DOCK3: variants seen among roughly 807,000 people sequenced by gnomAD.
DOCK3 encodes dedicator of cytokinesis protein 3.
A neutral mutation model predicts 265.6 loss-of-function variants in DOCK3; 60 were observed. The observed-to-expected ratio is 0.23, with a 90% CI of 0.18 to 0.28. The LOEUF is 0.28. DOCK3 is among the 10% of genes least tolerant of loss of function. DOCK3 has a pLI of 1.00. For missense variants in DOCK3, 1,981 were observed against 2,594.3 expected (o/e 0.76, Z 5.14); for synonymous variants, 881 against 938.0 (o/e 0.94, Z 1.11).
intron 3 of DOCK3, among the ~76,000 whole-genome samples, chr3:50,867,605 GT>G (rs55872881): frequency 0.74 from 104,097 of 141,300 alleles, 38,417 homozygotes; most frequent in South Asian, 0.84. Flanking sequence ...CTAGTTACCT[GT>G]TTTTTTTTTT....
chr3:51,102,719 T>G (rs1416839523), intron 9 of DOCK3, among the ~76,000 whole-genome samples: 2 of 152,208 alleles, frequency 1.3e-5, no homozygotes, highest in Non-Finnish European at 2.9e-5. Flanking sequence ...AGGAGTCCAA[T>G]AATTATGACT....
At chr3:50,719,419 G>A (rs2037338994) in intron 1 of DOCK3, 1 of 594,198 alleles carries the variant, frequency 1.7e-6, no homozygotes, top group Admixed American at 2.5e-5. Context: ...GGAGTGGAGG[G>A]GTGCTCTCCT....
At chr3:50,718,816 G>T (rs1576219482) in intron 1 of DOCK3, among the ~76,000 whole-genome samples, 2 of 113,402 alleles carry the variant, frequency 1.8e-5, no homozygotes, top group African/African-American at 3.4e-5. Flanking sequence ...ACAGAATCTT[G>T]CTCTGTCACC....
chr3:50,716,768 C>T (rs1190736748), intron 1 of DOCK3, among the ~76,000 whole-genome samples: 1 of 151,664 alleles, frequency 6.6e-6, no homozygotes, highest in East Asian at 1.9e-4. Flanking sequence ...GTTTCTAATT[C>T]TGACTTTTTT....
In DOCK3 at chr3:50,916,161, C is replaced by A. The variant is rs950380274; in HGVS notation, c.219-17820C>A. 2.6e-5 allele frequency among the ~76,000 whole-genome samples: 4 copies of A among 152,066 alleles called. No individual in the cohort carries two copies. The South Asian group carries it at 6.2e-4, about 24-fold the overall frequency. On this transcript the variant is annotated intron_variant, in intron 4 of 52. Transcript: ENST00000266037. ...AGCTATGTGGACTCCAGGCAGCTCCCTCAGCTGGGTTTAAGTTCCTATGAG... is the reference window on the plus strand; with the variant it reads ...AGCTATGTGGACTCCAGGCAGCTCCATCAGCTGGGTTTAAGTTCCTATGAG...
Position 51,380,202 on chromosome 3 carries a change from C to A in DOCK3, c.5578C>A (p.Arg1860Ser). 2 of 1,609,126 alleles carry A rather than the reference C, an allele frequency of 1.2e-6. No homozygotes were observed. The highest frequency in any genetic ancestry group is 1.7e-6 in the Non-Finnish European group (2 of 1,176,036). ...CCCAGCCCTCCCTGCCCGGACCCTG[C>A]GCAAGGTAATGTACTGAAGCGGCAG... ...TPPALPARTL[R>S]KSPLHPIPAS... The change falls in exon 52 of 53, where the codon CGC (arginine) becomes AGC (serine). Residue 1860 changes from arginine (R) to serine (S), a missense_variant. By Grantham distance (110) the Arg-to-Ser change is moderately radical. Transcript: ENST00000266037.
chr3:51,120,515 C>T (rs2083961974), intron 9 of DOCK3, among the ~76,000 whole-genome samples: 1 of 152,224 alleles, frequency 6.6e-6, no homozygotes, highest in Non-Finnish European at 1.5e-5. Context: ...TTGCTGCTCT[C>T]TGCAGAGCTG....
chr3:51,322,012 C>T (rs2083761885), intron 32 of DOCK3, among the ~76,000 whole-genome samples: 1 of 152,032 alleles, frequency 6.6e-6, no homozygotes, highest in Non-Finnish European at 1.5e-5. Flanking sequence ...AGAACAACCC[C>T]AAGACATATA....
chr3:51,245,524 G>A (rs1050986834), intron 21 of DOCK3, among the ~76,000 whole-genome samples: 3 of 151,514 alleles, frequency 2.0e-5, no homozygotes, highest in East Asian at 2.0e-4. Flanking sequence ...CCAAGTAGCC[G>A]GGATTATAGG....
At position 50,758,596 on chromosome 3, in the gene DOCK3, A is replaced by G. The variant is rs985828578; in HGVS notation, c.38-20079A>G. Among the ~76,000 whole-genome samples the G allele has an allele frequency of 2.6e-5, 4 of 152,204 alleles. No individual in the cohort carries two copies. In the South Asian group the frequency reaches 8.3e-4, roughly 32 times the overall value. On this transcript the variant is annotated intron_variant, in intron 1 of 52. Transcript: ENST00000266037. Reference sequence around the variant, plus strand: ...AAGTACATACATACTGTTGTTAAATAACCATCTCCACCATCTATATCTAGA... The same window carrying G: ...AAGTACATACATACTGTTGTTAAATGACCATCTCCACCATCTATATCTAGA...
chr3:51,077,206 T>C (rs2082085574), intron 7 of DOCK3, among the ~76,000 whole-genome samples: 1 of 152,144 alleles, frequency 6.6e-6, no homozygotes, highest in Non-Finnish European at 1.5e-5. Flanking sequence ...CAATTAGATA[T>C]GGAAAGTGAA....
At chr3:50,767,466 C>G (rs961895718) in intron 1 of DOCK3, among the ~76,000 whole-genome samples, 2 of 151,828 alleles carry the variant, frequency 1.3e-5, no homozygotes, top group Non-Finnish European at 2.9e-5. Flanking sequence ...CTATTCTGTT[C>G]CATTGGTCTA....
chr3:51,373,481 A>G (rs1439267533), intron 49 of DOCK3, among the ~76,000 whole-genome samples: 1 of 152,198 alleles, frequency 6.6e-6, no homozygotes, highest in African/African-American at 2.4e-5. Flanking sequence ...CAATGAGCAC[A>G]TTTGGAGGGC....
rs796376606 is a variant in DOCK3, at chr3:50,706,030, C to CA, written c.37+30743dup. 5.0e-3 allele frequency among the ~76,000 whole-genome samples: 685 copies of CA among 138,120 alleles called. 1 individual carries two copies. Among genetic ancestry groups the CA allele is most frequent in the Middle Eastern group, 0.019 (5 of 268 alleles). 90.6% of individuals were successfully genotyped at this position (138,120 alleles called of 152,430 possible). ...TGAGCGACAGAGTGAGACTCTGTCT[C>CA]AAAAAAAAAAAAAGTGGCAGTTTTC... On this transcript the variant is annotated intron_variant, in intron 1 of 52. Transcript: ENST00000266037.
chr3:51,365,786 C>A (rs559707079), intron 49 of DOCK3, among the ~76,000 whole-genome samples: 3 of 152,140 alleles, frequency 2.0e-5, no homozygotes, highest in African/African-American at 7.2e-5. Context: ...TGATGGATTA[C>A]GTTTATTGAT....
chr3:51,227,686 C>A (rs1482386866), intron 16 of DOCK3, among the ~76,000 whole-genome samples: 1 of 152,176 alleles, frequency 6.6e-6, no homozygotes, highest in Non-Finnish European at 1.5e-5. Flanking sequence ...AAATTATTAT[C>A]CATTGTCATT....
At position 50,675,302 on chromosome 3, in the gene DOCK3, T is replaced by C; in HGVS notation, c.37+2T>C. 7.9e-7 allele frequency: 1 copy of C among 1,266,636 alleles called. No individual in the cohort carries two copies. The highest frequency in any genetic ancestry group is 1.0e-6 in the Non-Finnish European group (1 of 991,456). The allele number at this position is 1,266,636 out of a possible 1,614,324, so 78.5% of individuals were successfully genotyped here. A position where few individuals can be genotyped will look rare whatever the true frequency, so the allele number is the denominator to read the frequency against. On this transcript the variant is annotated splice_donor_variant, in intron 1 of 52. Coordinates refer to ENST00000266037, the MANE Select transcript of DOCK3 (RefSeq NM_004947.5). LOFTEE classifies it high-confidence loss of function. This position sits in a 1 kb window ranked among gnomAD's most constrained non-coding sequence, Gnocchi z 6.1. ...CGGAGGAGGAGAAATACGGCGTAGG[T>C]AGGTGAGGCTCAGGCCTGGCCGTGG...
chr3:51,095,620 C>T (rs1359881924), intron 9 of DOCK3, among the ~76,000 whole-genome samples: 1 of 151,894 alleles, frequency 6.6e-6, no homozygotes, highest in Non-Finnish European at 1.5e-5. Context: ...TTAACATTTA[C>T]ATTTGATCTT....
chr3:51,073,267 A>G (rs2081949113), intron 6 of DOCK3, among the ~76,000 whole-genome samples: 1 of 152,160 alleles, frequency 6.6e-6, no homozygotes, highest in Admixed American at 6.5e-5. Context: ...GTTTTTCCAT[A>G]TCTCTATAAA....
Sources: allele counts gnomAD v4.1 joint callset (sites outside exome capture counted in the v4.1 genomes callset), GRCh38; gene constraint gnomAD v4.1.1; non-coding constraint Gnocchi (gnomAD v3.1); transcripts MANE v1.5; gene names NCBI Gene and HGNC (gene_info 2026-07-23, HGNC 2026-07-21).